KCTD1: variants seen among roughly 807,000 people sequenced by gnomAD.
KCTD1 encodes potassium channel tetramerization domain containing 1.
Under a neutral mutation model 66.0 loss-of-function variants are expected in KCTD1, and 24 were observed. The ratio of observed to expected loss-of-function variants is 0.36; its 90% CI spans 0.26 to 0.51. KCTD1 has a LOEUF of 0.51. KCTD1 is among the 20% of genes least tolerant of loss of function. The pLI is 0.95. For missense variants in KCTD1, 943 were observed against 1,205.2 expected (o/e 0.78, Z 3.22); for synonymous variants, 511 against 517.2 (o/e 0.99, Z 0.16).
In KCTD1 at chr18:26,547,944, G is replaced by A. The variant is rs1265189070; in HGVS notation, c.593C>T (p.Thr198Ile). Residue 198 changes from threonine to isoleucine, a missense_variant, in exon 1 of 5, where the codon ACC (threonine) becomes ATC (isoleucine). By Grantham distance (89) the Thr-to-Ile change is moderately conservative. Around this residue, in one of 10 missense-constraint regions of KCTD1, gnomAD observed 96 missense variants for 132.5 expected, o/e 0.72. Coordinates refer to ENST00000580059, the MANE Select transcript of KCTD1 (RefSeq NM_001142730.3). ...SEKAQSPDFETMDKGALCRVL... is the reference protein window; with the variant it reads ...SEKAQSPDFEIMDKGALCRVL... ...GCGGCACAGCGCCCCCTTGTCCATG[G>A]TCTCGAAGTCCGGGCTCTGCGCCTT... is the stretch of plus-strand genomic sequence containing the variant. 2 of 1,543,140 alleles carry A rather than the reference G, an allele frequency of 1.3e-6. No individual in the cohort carries two copies. Among genetic ancestry groups the A allele is most frequent in the Non-Finnish European group, 1.7e-6 (2 of 1,146,702 alleles).
intron 1 of KCTD1, among the ~76,000 whole-genome samples, chr18:26,520,093 A>G (rs918162094): frequency 6.6e-6 from 1 of 152,240 alleles, no homozygotes; most frequent in African/African-American, 2.4e-5. Flanking sequence ...TAGTAGCTCT[A>G]AAATAGATTT....
intron 1 of KCTD1, among the ~76,000 whole-genome samples, chr18:26,527,482 C>CAAAA (rs1342328848): frequency 4.8e-5 from 3 of 62,912 alleles, no homozygotes; most frequent in African/African-American, 1.9e-4. Context: ...AGGGCTACTG[C>CAAAA]AAAAAAAAAA....
At chr18:26,479,204 G>T (rs775605444) in intron 2 of KCTD1, among the ~76,000 whole-genome samples, 86 of 152,356 alleles carry the variant, frequency 5.6e-4, no homozygotes, top group Admixed American at 6.5e-4. Flanking sequence ...CCGCCTGGGC[G>T]TCCGGGTGGG....
At chr18:26,597,965 GATA>G (rs1986806859) in intron 1 of KCTD1, among the ~76,000 whole-genome samples, 1 of 152,118 alleles carries the variant, frequency 6.6e-6, no homozygotes, top group Non-Finnish European at 1.5e-5. Context: ...TTGGCTTCTA[GATA>G]CTATTGCTCA....
chr18:26,592,963 T>C (rs997755943), intron 1 of KCTD1, among the ~76,000 whole-genome samples: 1 of 152,234 alleles, frequency 6.6e-6, no homozygotes, highest in African/African-American at 2.4e-5. Flanking sequence ...TGAAAGCACC[T>C]AGCAACACAG....
At chr18:26,462,497 G>A (rs1980487375) in intron 3 of KCTD1, among the ~76,000 whole-genome samples, 1 of 152,224 alleles carries the variant, frequency 6.6e-6, no homozygotes, top group Admixed American at 6.5e-5. Flanking sequence ...GAGAACAGCT[G>A]AGCACTCATG....
chr18:26,656,791 T>G (rs1988157154), intron 1 of KCTD1, among the ~76,000 whole-genome samples: 1 of 149,166 alleles, frequency 6.7e-6, no homozygotes, highest in Admixed American at 6.6e-5. Flanking sequence ...GATGTGCGCT[T>G]GGCTCTGGGC....
intron 1 of KCTD1, among the ~76,000 whole-genome samples, chr18:26,609,830 C>T (rs1987095081): frequency 6.6e-6 from 1 of 152,146 alleles, no homozygotes; most frequent in African/African-American, 2.4e-5. Flanking sequence ...TAAATTCCAC[C>T]GGCTCCAGTG....
intron 3 of KCTD1, among the ~76,000 whole-genome samples, chr18:26,466,268 G>C (rs935264946): frequency 6.6e-6 from 1 of 152,186 alleles, no homozygotes; most frequent in African/African-American, 2.4e-5. Context: ...GGAGGGGAAC[G>C]AGGCCCTGGG....
chr18:26,656,441 G>A (rs1988142886), intron 1 of KCTD1, among the ~76,000 whole-genome samples: 1 of 152,086 alleles, frequency 6.6e-6, no homozygotes, highest in South Asian at 2.1e-4. Context: ...TGAAACGTTT[G>A]CATCCAAAAG....
At chr18:26,612,635 A>G (rs1361985658) in intron 1 of KCTD1, among the ~76,000 whole-genome samples, 1 of 152,186 alleles carries the variant, frequency 6.6e-6, no homozygotes, top group African/African-American at 2.4e-5. Flanking sequence ...GAAGGAACCA[A>G]TGCTGCTGAT....
intron 1 of KCTD1, chr18:26,545,855 T>G (rs1382675603): frequency 6.6e-6 from 1 of 152,036 alleles, no homozygotes; most frequent in African/African-American, 2.4e-5. Flanking sequence ...ACTTAAATCA[T>G]GTTAGGGTGG....
chr18:26,498,332 C>T (rs1236603175), intron 2 of KCTD1, among the ~76,000 whole-genome samples: 3 of 151,790 alleles, frequency 2.0e-5, no homozygotes, highest in Non-Finnish European at 2.9e-5. Flanking sequence ...GTGAAAGAGA[C>T]ACTCGCTTTT....
intron 1 of KCTD1, among the ~76,000 whole-genome samples, chr18:26,520,965 G>A (rs575542741): frequency 6.6e-6 from 1 of 152,352 alleles, no homozygotes; most frequent in East Asian, 1.9e-4. Flanking sequence ...GTAAAAAGGA[G>A]GCAGCAGAAC....
At chr18:26,549,153 C>G, upstream of KCTD1, 1 of 984,950 alleles carries the variant, frequency 1.0e-6, no homozygotes, top group East Asian at 1.2e-4. Flanking sequence ...ACGGCGAGGC[C>G]CCGCACCCTC....
chr18:26,568,784 T>C (rs1039278458), intron 1 of KCTD1, among the ~76,000 whole-genome samples: 1 of 152,230 alleles, frequency 6.6e-6, no homozygotes, highest in African/African-American at 2.4e-5. Flanking sequence ...GCTTTGTACA[T>C]TGCAAGCAAA....
chr18:26,617,597 C>A (rs970667102), intron 1 of KCTD1, among the ~76,000 whole-genome samples: 4 of 152,124 alleles, frequency 2.6e-5, no homozygotes, highest in Non-Finnish European at 4.4e-5. Context: ...AAGTAGCCAA[C>A]AATATTGTTT....
upstream of KCTD1, chr18:26,549,613 A>G (rs4488532): frequency 1 from 817,725 of 820,932 alleles, 407,348 homozygotes; most frequent in East Asian, 1. Flanking sequence ...CGCTCCACCA[A>G]GCTGGAGCTG....
chr18:26,651,510 G>A (rs1361670378), intron 1 of KCTD1, among the ~76,000 whole-genome samples: 1 of 152,140 alleles, frequency 6.6e-6, no homozygotes, highest in African/African-American at 2.4e-5. Context: ...TTGGCCGAGT[G>A]TGGTGGCTCA....
Sources: allele counts gnomAD v4.1 joint callset (sites outside exome capture counted in the v4.1 genomes callset), GRCh38; gene constraint gnomAD v4.1.1; regional missense constraint gnomAD v4.1.1; transcripts MANE v1.5; gene names NCBI Gene and HGNC (gene_info 2026-07-23, HGNC 2026-07-21).